The following SSBP2 variants were observed in gnomAD, a reference collection of about 807,000 sequenced individuals.
SSBP2 encodes the protein single stranded DNA binding protein 2.
A neutral mutation model predicts 61.8 loss-of-function variants in SSBP2; 17 were observed. The ratio of observed to expected loss-of-function variants is 0.28; its 90% CI spans 0.19 to 0.41. SSBP2 has a LOEUF of 0.41. Ranked by LOEUF, SSBP2 falls within the 10% of genes least tolerant of loss-of-function variation. The pLI, the probability that SSBP2 is intolerant of heterozygous loss-of-function variation, is 1.00. For synonymous variants in SSBP2, 139 were observed against 141.3 expected (o/e 0.98, Z 0.12); for missense variants, 310 against 458.7 (o/e 0.68, Z 2.96).
At position 81,570,209 on chromosome 5, in the gene SSBP2, C is replaced by T. The variant is rs145288714; in HGVS notation, c.282+45264G>A. Among the ~76,000 whole-genome samples, 16 of 152,304 alleles carry T rather than the reference C, an allele frequency of 1.1e-4. No homozygotes were observed. In the East Asian group the frequency reaches 3.1e-3, roughly 29 times the overall value. On this transcript the variant is annotated intron_variant, in intron 4 of 16. Transcript: ENST00000320672. ...ACAGTTAACAAATAATATACCTACA[C>T]ACATAGTCCCCCACACATATGTGGA...
intron 2 of SSBP2, 116 bp from the exon 3 acceptor site, chr5:81,636,734 T>C (rs1319096847): frequency 8.0e-6 from 7 of 874,218 alleles, no homozygotes; most frequent in Non-Finnish European, 1.2e-5. Context: ...TTCATCATTT[T>C]CATGATATTT....
chr5:81,750,198 C>A (rs1335729246), intron 1 of SSBP2, among the ~76,000 whole-genome samples: 1 of 151,662 alleles, frequency 6.6e-6, no homozygotes. Context: ...CTCGGTCCCT[C>A]TCCGACTCCC....
chr5:81,595,072 T>C (rs1344103850), intron 4 of SSBP2, among the ~76,000 whole-genome samples: 2 of 151,722 alleles, frequency 1.3e-5, no homozygotes, highest in Non-Finnish European at 2.9e-5. Context: ...TTTGAAAAGA[T>C]CAACAAAATT....
chr5:81,505,646 T>C (rs1187203005), intron 5 of SSBP2, among the ~76,000 whole-genome samples: 1 of 152,146 alleles, frequency 6.6e-6, no homozygotes, highest in East Asian at 1.9e-4. Flanking sequence ...GAATTTTCAA[T>C]AATATTTTCA....
intron 1 of SSBP2, among the ~76,000 whole-genome samples, chr5:81,737,391 C>T (rs1339757039): frequency 6.6e-6 from 1 of 152,084 alleles, no homozygotes; most frequent in East Asian, 1.9e-4. Context: ...GACATCTCCA[C>T]CACCTCATCT....
chr5:81,702,801 C>T (rs1316065470), intron 1 of SSBP2, among the ~76,000 whole-genome samples: 1 of 152,160 alleles, frequency 6.6e-6, no homozygotes, highest in Non-Finnish European at 1.5e-5. Context: ...TGAAGAGCTA[C>T]ATAGTATCTT....
chr5:81,590,186 T>C (rs1280766599), intron 4 of SSBP2, among the ~76,000 whole-genome samples: 1 of 152,100 alleles, frequency 6.6e-6, no homozygotes, highest in Non-Finnish European at 1.5e-5. Flanking sequence ...TATGAGATTC[T>C]AGTCATAGAT....
At chr5:81,424,050 T>G (rs1761788708) in intron 16 of SSBP2, among the ~76,000 whole-genome samples, 2 of 151,986 alleles carry the variant, frequency 1.3e-5, no homozygotes, top group Non-Finnish European at 2.9e-5. Flanking sequence ...GGGAGGAAAC[T>G]GAGTGAAAAA....
intron 16 of SSBP2, among the ~76,000 whole-genome samples, chr5:81,423,659 C>T (rs1761756077): frequency 2.6e-5 from 4 of 151,946 alleles, no homozygotes; most frequent in East Asian, 1.9e-4. Context: ...GCAGGAGAAT[C>T]GCTTGAACCC....
At chr5:81,584,100 C>T (rs1379202689) in intron 4 of SSBP2, among the ~76,000 whole-genome samples, 4 of 152,036 alleles carry the variant, frequency 2.6e-5, no homozygotes, top group Non-Finnish European at 4.4e-5. Context: ...GGAGAGAAGA[C>T]AATAAATTAG....
At chr5:81,507,591 G>A (rs913220700) in intron 5 of SSBP2, among the ~76,000 whole-genome samples, 30 of 152,026 alleles carry the variant, frequency 2.0e-4, no homozygotes, top group African/African-American at 6.5e-4. Context: ...AAAAGATTAC[G>A]TTGTGTTTTT....
At chr5:81,487,495 T>C (rs2154047931) in intron 6 of SSBP2, among the ~76,000 whole-genome samples, 1 of 152,234 alleles carries the variant, frequency 6.6e-6, no homozygotes, top group South Asian at 2.1e-4. Context: ...GCCATTATAA[T>C]TGGATAAAAT....
chr5:81,628,925 C>G (rs956142750), intron 3 of SSBP2, among the ~76,000 whole-genome samples: 5 of 152,070 alleles, frequency 3.3e-5, no homozygotes, highest in Non-Finnish European at 7.4e-5. Context: ...TCAAACACTC[C>G]CACTCTTCAC....
chr5:81,492,328 C>T (rs905178872), intron 5 of SSBP2, among the ~76,000 whole-genome samples: 3 of 151,990 alleles, frequency 2.0e-5, no homozygotes, highest in African/African-American at 4.8e-5. Flanking sequence ...CATGACGAAA[C>T]CCCATCTCTA....
chr5:81,650,155 T>G, intron 2 of SSBP2, 112 bp downstream of exon 2: 1 of 697,620 alleles, frequency 1.4e-6, no homozygotes, highest in Non-Finnish European at 2.4e-6. Flanking sequence ...TACGGATAAC[T>G]AGGAATTCAC....
At chr5:81,588,728 T>C (rs560707049) in intron 4 of SSBP2, among the ~76,000 whole-genome samples, 4 of 152,234 alleles carry the variant, frequency 2.6e-5, no homozygotes, top group African/African-American at 9.6e-5. Context: ...TTTCAAAAAC[T>C]TATAAATAAA....
intron 4 of SSBP2, among the ~76,000 whole-genome samples, chr5:81,551,461 A>C (rs562829705): frequency 6.6e-5 from 10 of 152,312 alleles, no homozygotes; most frequent in African/African-American, 2.4e-4. Context: ...AGAAATGCAA[A>C]TACTTTTATA....
intron 4 of SSBP2, among the ~76,000 whole-genome samples, chr5:81,598,941 A>C (rs1032143434): frequency 2.0e-5 from 3 of 152,152 alleles, no homozygotes; most frequent in African/African-American, 7.2e-5. Flanking sequence ...AAAAAAACTA[A>C]TTCCTCTCCT....
At chr5:81,612,636 T>C (rs1479083321) in intron 4 of SSBP2, among the ~76,000 whole-genome samples, 1 of 152,102 alleles carries the variant, frequency 6.6e-6, no homozygotes, top group African/African-American at 2.4e-5. Flanking sequence ...AGATAAGAAG[T>C]AACTATAAAA....
Sources: allele counts gnomAD v4.1 joint callset (sites outside exome capture counted in the v4.1 genomes callset), GRCh38; gene constraint gnomAD v4.1.1; transcripts MANE v1.5; gene names NCBI Gene and HGNC (gene_info 2026-07-23, HGNC 2026-07-21).